The following IQCM variants were observed in gnomAD, a reference collection of about 807,000 sequenced individuals.
The protein encoded by IQCM is IQ motif containing M, also known as IQ domain-containing protein M.
A neutral mutation model predicts 57.6 loss-of-function variants in IQCM; 45 were observed. That is an observed-to-expected ratio of 0.78 (90% CI 0.62 to 1.00). The LOEUF is 1.00. Among genes scored for constraint, IQCM ranks in the 50% least tolerant of loss-of-function variants. The pLI is 0.00. For missense variants in IQCM, 468 were observed against 511.6 expected (o/e 0.91, Z 0.82); for synonymous variants, 148 against 158.9 (o/e 0.93, Z 0.51).
intron 12 of IQCM, among the ~76,000 whole-genome samples, chr4:149,454,357 T>A (rs1006928132): frequency 5.9e-5 from 9 of 151,792 alleles, no homozygotes; most frequent in Admixed American, 2.0e-4. Flanking sequence ...CTAAGCGAAC[T>A]AATGCAGGAA....
intron 7 of IQCM, among the ~76,000 whole-genome samples, chr4:149,655,161 G>T (rs1040894264): frequency 2.6e-5 from 4 of 152,056 alleles, no homozygotes; most frequent in African/African-American, 7.2e-5. Flanking sequence ...AGAAATACCT[G>T]TAATCCACTT....
rs193132726 is a variant in IQCM, at chr4:149,528,488, C to T, written c.1228+19967G>A. The stretch of plus-strand genomic sequence containing the variant: ...ATGACTATCTCATCAGATATTACTA[C>T]ATAACATAGGTAATCTCAAATTCTG... On this transcript the variant is annotated intron_variant, in intron 12 of 13. Coordinates refer to ENST00000636793, the MANE Select transcript of IQCM (RefSeq NM_001363507.2). 2.0e-5 allele frequency among the ~76,000 whole-genome samples: 3 copies of T among 152,288 alleles called. No homozygotes were observed. In the East Asian group the frequency reaches 5.8e-4, roughly 29 times the overall value.
At chr4:149,812,180 A>G (rs1366022901) in intron 2 of IQCM, among the ~76,000 whole-genome samples, 1 of 152,196 alleles carries the variant, frequency 6.6e-6, no homozygotes, top group Non-Finnish European at 1.5e-5. Flanking sequence ...CTTTGGGTGA[A>G]CTGAGAAATA....
chr4:149,393,933 C>T (rs1732040666), intron 13 of IQCM, among the ~76,000 whole-genome samples: 1 of 151,792 alleles, frequency 6.6e-6, no homozygotes, highest in African/African-American at 2.4e-5. Flanking sequence ...AACAACAAAA[C>T]AAAAACCTCT....
intron 7 of IQCM, among the ~76,000 whole-genome samples, chr4:149,675,993 T>A (rs2150189976): frequency 6.6e-6 from 1 of 152,184 alleles, no homozygotes; most frequent in African/African-American, 2.4e-5. Context: ...TGTAGAGCAT[T>A]ATTAGCTTTT....
chr4:149,481,821 T>C (rs1444175252), intron 12 of IQCM, among the ~76,000 whole-genome samples: 1 of 151,146 alleles, frequency 6.6e-6, no homozygotes, highest in Non-Finnish European at 1.5e-5. Flanking sequence ...GTCATTGGTA[T>C]TTTGACAGGA....
chr4:149,643,804 G>A (rs1362174822), intron 7 of IQCM, among the ~76,000 whole-genome samples: 4 of 152,082 alleles, frequency 2.6e-5, no homozygotes, highest in Non-Finnish European at 5.9e-5. Flanking sequence ...GCTATAACTA[G>A]AAACTTCAAA....
chr4:149,690,441 T>G (rs1355667207), intron 5 of IQCM, among the ~76,000 whole-genome samples: 1 of 151,684 alleles, frequency 6.6e-6, no homozygotes, highest in East Asian at 1.9e-4. Flanking sequence ...GGGAGGGGGA[T>G]GAGGGATAAA....
At chr4:149,793,818 A>G (rs1772863589) in intron 2 of IQCM, 1 of 152,270 alleles carries the variant, frequency 6.6e-6, no homozygotes, top group Non-Finnish European at 1.5e-5. Flanking sequence ...AAAAGCATGA[A>G]TATTTAAATA....
intron 9 of IQCM, among the ~76,000 whole-genome samples, chr4:149,581,817 A>G (rs1187645992): frequency 6.6e-6 from 1 of 151,534 alleles, no homozygotes; most frequent in Admixed American, 6.6e-5. Flanking sequence ...TTCTTTGGAG[A>G]ATTGCACTTT....
intron 12 of IQCM, among the ~76,000 whole-genome samples, chr4:149,487,936 T>G (rs528520435): frequency 6.6e-6 from 1 of 152,256 alleles, no homozygotes; most frequent in South Asian, 2.1e-4. Flanking sequence ...GTTCTTCAGA[T>G]GGTGCTTTTC....
intron 12 of IQCM, among the ~76,000 whole-genome samples, chr4:149,471,509 A>G (rs1216596006): frequency 6.6e-6 from 1 of 152,170 alleles, no homozygotes; most frequent in Non-Finnish European, 1.5e-5. Context: ...CCAGGCCCAG[A>G]TGGATTCACA....
chr4:149,549,027 G>T (rs1473614997), intron 11 of IQCM, among the ~76,000 whole-genome samples: 8 of 152,072 alleles, frequency 5.3e-5, no homozygotes, highest in African/African-American at 1.9e-4. Context: ...ACTTTGGATG[G>T]CTTATTCTGT....
At chr4:149,422,864 C>T (rs545671700) in intron 13 of IQCM, among the ~76,000 whole-genome samples, 4 of 151,826 alleles carry the variant, frequency 2.6e-5, no homozygotes, top group African/African-American at 4.8e-5. Context: ...TTTATAAAAT[C>T]GTGGAAGAAA....
At chr4:149,760,301 C>T (rs568846222) in intron 2 of IQCM, among the ~76,000 whole-genome samples, 2 of 152,190 alleles carry the variant, frequency 1.3e-5, no homozygotes, top group Non-Finnish European at 2.9e-5. Context: ...CATAAGTTAA[C>T]CATAAGCTAG....
At chr4:149,437,139 C>T (rs944657190) in intron 12 of IQCM, among the ~76,000 whole-genome samples, 3 of 152,132 alleles carry the variant, frequency 2.0e-5, no homozygotes, top group Non-Finnish European at 2.9e-5. Context: ...AACCACAATG[C>T]ATATTGTTTT....
chr4:149,367,023 G>T (rs1297839733), intron 13 of IQCM, among the ~76,000 whole-genome samples: 1 of 151,944 alleles, frequency 6.6e-6, no homozygotes, highest in Non-Finnish European at 1.5e-5. Flanking sequence ...TCTGTGCAAG[G>T]CACTGTGCTG....
chr4:149,409,071 T>TG (rs1733187296), intron 13 of IQCM, among the ~76,000 whole-genome samples: 1 of 152,186 alleles, frequency 6.6e-6, no homozygotes, highest in Non-Finnish European at 1.5e-5. Flanking sequence ...GTGGAAATAC[T>TG]GCCCCATGTC....
chr4:149,358,089 A>G (rs1729141650), intron 13 of IQCM, among the ~76,000 whole-genome samples: 1 of 151,966 alleles, frequency 6.6e-6, no homozygotes, highest in Non-Finnish European at 1.5e-5. Flanking sequence ...ATCGGTGGTG[A>G]TATCCCCTTT....
Sources: allele counts gnomAD v4.1 joint callset (sites outside exome capture counted in the v4.1 genomes callset), GRCh38; gene constraint gnomAD v4.1.1; transcripts MANE v1.5; gene names NCBI Gene and HGNC (gene_info 2026-07-23, HGNC 2026-07-21).